Variants in PCDH7 observed in about 807,000 individuals in gnomAD.
PCDH7 encodes protocadherin 7, also known as protocadherin-7.
In PCDH7, 17 loss-of-function variants were observed where a neutral mutation model predicts 58.9. That is an observed-to-expected ratio of 0.29 (90% CI 0.20 to 0.43). The LOEUF (loss-of-function observed/expected upper bound fraction) is 0.43. Ranked by LOEUF, PCDH7 falls within the 20% of genes least tolerant of loss-of-function variation. The probability of loss-of-function intolerance (pLI) is 1.00; values close to 1 mark genes in which losing one functional copy is unlikely to be tolerated. For synonymous variants in PCDH7, 664 were observed against 616.4 expected (o/e 1.08, Z -1.14); for missense variants, 1,274 against 1,441.0 (o/e 0.88, Z 1.88).
At chr4:30,988,710 G>T (rs190073266) in intron 3 of PCDH7, among the ~76,000 whole-genome samples, 1 of 152,136 alleles carries the variant, frequency 6.6e-6, no homozygotes, top group Non-Finnish European at 1.5e-5. Context: ...ACAAATTGAA[G>T]TTTGCAACAT....
Position 30,955,510 on chromosome 4 carries a change from T to C in PCDH7, c.*7+5295T>C, listed in dbSNP as rs1015590142. On this transcript the variant is annotated intron_variant, in intron 3 of 3. Coordinates refer to the PCDH7 transcript ENST00000509759. Reference sequence around the variant, plus strand: ...TTTATTTTATTATTGTATTTTATTTTATTTTATTTTATTTCATTTTATTTT... The same window carrying C: ...TTTATTTTATTATTGTATTTTATTTCATTTTATTTTATTTCATTTTATTTT... Among the ~76,000 whole-genome samples the C allele has an allele frequency of 9.2e-5, 14 of 151,484 alleles. No homozygotes were observed. The East Asian group carries it at 2.3e-3, about 25-fold the overall frequency.
chr4:30,898,920 T>C (rs1274509627), intron 1 of PCDH7, among the ~76,000 whole-genome samples: 2 of 152,220 alleles, frequency 1.3e-5, no homozygotes, highest in South Asian at 2.1e-4. Flanking sequence ...CAAATGCCTT[T>C]TTTTTTTCAT....
At chr4:31,104,605 A>T (rs549007261) in intron 3 of PCDH7, among the ~76,000 whole-genome samples, 16 of 152,330 alleles carry the variant, frequency 1.1e-4, no homozygotes, top group African/African-American at 3.8e-4. Context: ...TATTTTGAGC[A>T]ACTACTTAAA....
At chr4:30,727,934 G>T (rs922612874) in intron 1 of PCDH7, among the ~76,000 whole-genome samples, 1 of 151,734 alleles carries the variant, frequency 6.6e-6, no homozygotes, top group Non-Finnish European at 1.5e-5. Context: ...GCACTTACAA[G>T]TAAAAATTTT....
At chr4:31,024,922 T>C (rs1754307079) in intron 3 of PCDH7, among the ~76,000 whole-genome samples, 1 of 152,142 alleles carries the variant, frequency 6.6e-6, no homozygotes, top group Non-Finnish European at 1.5e-5. Flanking sequence ...TTTGTATTTT[T>C]AGTAGAGACA....
chr4:30,721,624 C>A lies in PCDH7; in HGVS notation c.202C>A (p.Leu68Met). Residue 68 changes from leucine (L) to methionine (M), a missense_variant, in exon 1 of 2, where the codon CTG becomes ATG. By Grantham distance (15) the Leu-to-Met change is conservative (BLOSUM62 2). Transcript: ENST00000361762. This position sits in a 1 kb window ranked among gnomAD's most constrained non-coding sequence, Gnocchi z 6.7. ...CGGATCGGGTGAGGTGACTTTCAGC[C>A]TGGAGTCCGGTTCCGAGTACCTGAA... 6.2e-7 allele frequency: 1 copy of A among 1,613,370 alleles called. No homozygotes were observed. Among genetic ancestry groups the A allele is most frequent in the Non-Finnish European group, 8.5e-7 (1 of 1,179,906 alleles).
At chr4:31,100,322 G>A (rs1395221073) in intron 3 of PCDH7, among the ~76,000 whole-genome samples, 4 of 152,242 alleles carry the variant, frequency 2.6e-5, no homozygotes, top group African/African-American at 9.6e-5. Context: ...ATTTAAGTCA[G>A]CATCAAACAA....
intron 3 of PCDH7, among the ~76,000 whole-genome samples, chr4:31,098,477 A>T (rs894845218): frequency 6.6e-6 from 1 of 152,144 alleles, no homozygotes; most frequent in Non-Finnish European, 1.5e-5. Flanking sequence ...CAAGATGTGG[A>T]CCACTTTTTG....
At chr4:30,730,267 A>G (rs375122891) in intron 1 of PCDH7, among the ~76,000 whole-genome samples, 5 of 152,140 alleles carry the variant, frequency 3.3e-5, no homozygotes, top group East Asian at 3.9e-4. Context: ...CTGTTCCCAT[A>G]TATCTAGAGT....
At chr4:30,974,114 A>C (rs1749838845) in intron 3 of PCDH7, among the ~76,000 whole-genome samples, 1 of 151,770 alleles carries the variant, frequency 6.6e-6, no homozygotes, top group South Asian at 2.1e-4. Flanking sequence ...TTCAGTTGTC[A>C]GTAGTATCCA....
At chr4:30,865,791 C>T (rs1039964246) in intron 1 of PCDH7, among the ~76,000 whole-genome samples, 1 of 151,972 alleles carries the variant, frequency 6.6e-6, no homozygotes, top group African/African-American at 2.4e-5. Flanking sequence ...TCTTAAGAAC[C>T]AGTGGAAGTA....
At chr4:30,773,481 C>T (rs1721677786) in intron 1 of PCDH7, among the ~76,000 whole-genome samples, 1 of 151,802 alleles carries the variant, frequency 6.6e-6, no homozygotes, top group Non-Finnish European at 1.5e-5. Flanking sequence ...TTGGATAAAC[C>T]TTCTATTTTT....
chr4:31,085,525 C>T (rs1712289826), intron 3 of PCDH7, among the ~76,000 whole-genome samples: 1 of 152,108 alleles, frequency 6.6e-6, no homozygotes, highest in Non-Finnish European at 1.5e-5. Flanking sequence ...GTTACTTTAG[C>T]CTACTCCCAG....
At chr4:30,840,736 C>G (rs553103143) in intron 1 of PCDH7, among the ~76,000 whole-genome samples, 1 of 152,186 alleles carries the variant, frequency 6.6e-6, no homozygotes, top group African/African-American at 2.4e-5. Context: ...AACAGGGAAG[C>G]AAACCAAAGT....
At chr4:30,909,711 G>A (rs563626043) in intron 1 of PCDH7, among the ~76,000 whole-genome samples, 1 of 152,280 alleles carries the variant, frequency 6.6e-6, no homozygotes, top group African/African-American at 2.4e-5. Flanking sequence ...CCATGCTCAT[G>A]GGTAGGATGA....
intron 3 of PCDH7, among the ~76,000 whole-genome samples, chr4:31,039,960 A>G (rs1177085068): frequency 6.6e-6 from 1 of 152,186 alleles, no homozygotes; most frequent in Non-Finnish European, 1.5e-5. Flanking sequence ...TTTAAAGGTT[A>G]TGTGCGTAGA....
chr4:30,944,115 A>T (rs546694662), intron 2 of PCDH7, among the ~76,000 whole-genome samples: 7 of 152,242 alleles, frequency 4.6e-5, no homozygotes, highest in Admixed American at 3.9e-4. Flanking sequence ...ATATTAGGAT[A>T]TCATTTGCTC....
chr4:30,863,911 G>A (rs1734530714), intron 1 of PCDH7, among the ~76,000 whole-genome samples: 1 of 152,118 alleles, frequency 6.6e-6, no homozygotes, highest in African/African-American at 2.4e-5. Context: ...GAGGCTGACT[G>A]TAACTCAGAC....
At chr4:30,963,913 A>G (rs1458310330) in intron 3 of PCDH7, among the ~76,000 whole-genome samples, 3 of 152,224 alleles carry the variant, frequency 2.0e-5, no homozygotes, top group Non-Finnish European at 2.9e-5. Flanking sequence ...TTTTACATGG[A>G]TGAACCATTC....
Sources: allele counts gnomAD v4.1 joint callset (sites outside exome capture counted in the v4.1 genomes callset), GRCh38; gene constraint gnomAD v4.1.1; non-coding constraint Gnocchi (gnomAD v3.1); transcripts MANE v1.5; gene names NCBI Gene and HGNC (gene_info 2026-07-23, HGNC 2026-07-21).